Variants in SPECC1 observed in about 807,000 individuals in gnomAD.
The protein encoded by SPECC1 is cytospin-B.
SPECC1 carries 62 observed loss-of-function variants against 104.1 expected under a neutral mutation model. The observed-to-expected ratio is 0.60, with a 90% CI of 0.49 to 0.74. The LOEUF (loss-of-function observed/expected upper bound fraction) is 0.74. SPECC1 is among the 30% of genes least tolerant of loss of function. The pLI, the probability that SPECC1 is intolerant of heterozygous loss-of-function variation, is 0.00. For synonymous variants in SPECC1, 513 were observed against 501.6 expected (o/e 1.02, Z -0.30); for missense variants, 1,306 against 1,310.5 (o/e 1.00, Z 0.05).
At chr17:20,310,041 C>CTA in intron 14 of SPECC1, among the ~76,000 whole-genome samples, 1 of 151,950 alleles carries the variant, frequency 6.6e-6, no homozygotes, top group East Asian at 1.9e-4. Context: ...AGGCTGGTCT[C>CTA]AAACTCCTGA....
intron 3 of SPECC1, among the ~76,000 whole-genome samples, chr17:20,124,373 A>T (rs2049180330): frequency 6.6e-6 from 1 of 152,134 alleles, no homozygotes; most frequent in Non-Finnish European, 1.5e-5. Flanking sequence ...TGTGGAAGTG[A>T]GGGGACATTC....
chr17:20,230,019 A>T (rs1226856827), intron 5 of SPECC1, among the ~76,000 whole-genome samples: 1 of 152,216 alleles, frequency 6.6e-6, no homozygotes, highest in Non-Finnish European at 1.5e-5. Context: ...CAGGAGGCTG[A>T]AGAAGAATTT....
chr17:20,127,051 A>T (rs1455361944), intron 3 of SPECC1, among the ~76,000 whole-genome samples: 1 of 152,198 alleles, frequency 6.6e-6, no homozygotes, highest in Non-Finnish European at 1.5e-5. Context: ...CTGATTTTTC[A>T]AAGTTTATCA....
In SPECC1 at chr17:20,112,617, C is replaced by T. The variant is rs1333383878; in HGVS notation, c.283+2055C>T. On this transcript the variant is annotated intron_variant, in intron 3 of 14. Transcript: ENST00000395527. ...GCAAATCTTAAACAAGCTGATCTCT[C>T]TGGATCAGTGCTTGACTGTGCAAAT... The T allele has an allele frequency of 4.6e-6, 4 of 876,370 alleles. No individual in the cohort carries two copies. The East Asian group carries it at 9.6e-5, about 21-fold the overall frequency. The allele number at this position is 876,370 out of a possible 1,614,324, so 54.3% of individuals were successfully genotyped here. A position where few individuals can be genotyped will look rare whatever the true frequency, so the allele number is the denominator to read the frequency against.
At chr17:20,265,807 G>GTA (rs2040197808) in intron 12 of SPECC1, among the ~76,000 whole-genome samples, 1 of 152,072 alleles carries the variant, frequency 6.6e-6, no homozygotes, top group South Asian at 2.1e-4. Flanking sequence ...TATCTTCTGC[G>GTA]TATGGTCAGC....
At chr17:20,261,869 C>A (rs771728478) in intron 12 of SPECC1, among the ~76,000 whole-genome samples, 2 of 152,166 alleles carry the variant, frequency 1.3e-5, no homozygotes, top group African/African-American at 2.4e-5. Flanking sequence ...CATGCAGTCA[C>A]CACTCCCATC....
intron 14 of SPECC1, among the ~76,000 whole-genome samples, chr17:20,307,918 G>T (rs2041816095): frequency 6.6e-6 from 1 of 152,046 alleles, no homozygotes; most frequent in Non-Finnish European, 1.5e-5. Flanking sequence ...AAAAAGCAAA[G>T]ACAGATAATC....
chr17:20,194,502 A>ATTATTATTATTAT, intron 3 of SPECC1, among the ~76,000 whole-genome samples: 1 of 86,564 alleles, frequency 1.2e-5, no homozygotes, highest in East Asian at 3.9e-4. Context: ...AAGAGAACGA[A>ATTATTATTATTAT]TTTTTTTTTT....
chr17:20,241,452 C>T (rs1049856104), intron 7 of SPECC1, among the ~76,000 whole-genome samples: 4 of 152,162 alleles, frequency 2.6e-5, no homozygotes, highest in Admixed American at 6.5e-5. Context: ...AGCCTTGGCC[C>T]TCTAGGGTGG....
At chr17:20,237,173 AAAC>A in intron 7 of SPECC1, 1 of 1,336,872 alleles carries the variant, frequency 7.5e-7, no homozygotes, top group South Asian at 1.6e-5. Flanking sequence ...GTTCTGAAAA[AAAC>A]AAAGTACAAG....
At chr17:20,249,748 A>G (rs1056418181) in intron 9 of SPECC1, among the ~76,000 whole-genome samples, 5 of 152,212 alleles carry the variant, frequency 3.3e-5, no homozygotes, top group Non-Finnish European at 7.3e-5. Context: ...ACAAGTCAGT[A>G]TAAATATCTG....
chr17:20,015,584 ATTTTT>A (rs1222758913), intron 1 of SPECC1, among the ~76,000 whole-genome samples: 13 of 102,070 alleles, frequency 1.3e-4, no homozygotes, highest in Non-Finnish European at 2.2e-4. Flanking sequence ...CCGGGTCTCT[ATTTTT>A]TTTTTTTTTT....
In SPECC1 at chr17:20,153,678, TAA is replaced by T. The variant is rs557870029; in HGVS notation, c.283+43118_283+43119del. On this transcript the variant is annotated intron_variant, in intron 3 of 14. Transcript: ENST00000395527. Reference sequence around the variant, plus strand: ...TGGGGTCTTACTTGTCCAGTTTCCATAAAGAGACATGTTAATTACTTGACATT... The same window carrying T: ...TGGGGTCTTACTTGTCCAGTTTCCATAGAGACATGTTAATTACTTGACATT... 7.4e-3 allele frequency among the ~76,000 whole-genome samples: 1,121 copies of T among 152,318 alleles called. 5 individuals are homozygous for T. The highest frequency in any genetic ancestry group is 0.011 in the Non-Finnish European group (760 of 68,024).
chr17:20,191,317 G>A (rs923799768), intron 3 of SPECC1, among the ~76,000 whole-genome samples: 1 of 152,108 alleles, frequency 6.6e-6, no homozygotes, highest in Non-Finnish European at 1.5e-5. Flanking sequence ...GTCTTCCAAC[G>A]TGGCTGAATT....
chr17:20,175,909 A>G (rs956014158), intron 3 of SPECC1, among the ~76,000 whole-genome samples: 7 of 152,220 alleles, frequency 4.6e-5, no homozygotes, highest in Non-Finnish European at 8.8e-5. Flanking sequence ...TGTGAATTCA[A>G]CTACTCATAA....
intron 1 of SPECC1, among the ~76,000 whole-genome samples, chr17:20,039,917 G>T (rs1418337827): frequency 6.6e-6 from 1 of 152,066 alleles, no homozygotes; most frequent in East Asian, 1.9e-4. Flanking sequence ...TCTTTTAATT[G>T]ATATAATTAG....
chr17:20,060,264 G>A, intron 1 of SPECC1, among the ~76,000 whole-genome samples: 1 of 152,118 alleles, frequency 6.6e-6, no homozygotes, highest in East Asian at 1.9e-4. Flanking sequence ...GGAATAACTT[G>A]GTTGGTTTAC....
At chr17:20,034,119 C>T (rs1226667517) in intron 1 of SPECC1, among the ~76,000 whole-genome samples, 4 of 149,364 alleles carry the variant, frequency 2.7e-5, no homozygotes, top group African/African-American at 4.9e-5. Flanking sequence ...TCTTTTGAGA[C>T]GGAGTCTCGC....
chr17:20,105,739 C>G (rs1459777159), intron 2 of SPECC1, among the ~76,000 whole-genome samples: 1 of 152,252 alleles, frequency 6.6e-6, no homozygotes, highest in Admixed American at 6.5e-5. Context: ...AAAGGCAAAA[C>G]TCCCACTGCT....
Sources: gnomAD v4.1 joint callset for allele counts (sites outside exome capture counted in the v4.1 genomes callset) on GRCh38, gnomAD v4.1.1 for gene constraint, MANE v1.5 for transcripts, NCBI Gene and HGNC (gene_info 2026-07-23, HGNC 2026-07-21) for gene names.